Variants in SLC17A3 observed in about 807,000 individuals in gnomAD.
SLC17A3 encodes sodium-dependent phosphate transport protein 4.
In SLC17A3, 61 loss-of-function variants were observed where a neutral mutation model predicts 60.3. That is an observed-to-expected ratio of 1.01 (90% confidence interval 0.82 to 1.25). SLC17A3 has a LOEUF of 1.25. SLC17A3 is among the 50% of genes most tolerant of loss of function. The pLI is 0.00. For synonymous variants in SLC17A3, 192 were observed against 208.9 expected (o/e 0.92, Z 0.70); for missense variants, 624 against 594.9 (o/e 1.05, Z -0.51).
chr6:25,847,073 C>T (rs1218989217), intron 11 of SLC17A3, among the ~76,000 whole-genome samples: 6 of 151,976 alleles, frequency 3.9e-5, no homozygotes, highest in Non-Finnish European at 7.4e-5. Flanking sequence ...TTTCCCTCCT[C>T]CCACCCTTCA....
intron 5 of SLC17A3, among the ~76,000 whole-genome samples, chr6:25,859,811 G>A (rs965722501): frequency 6.6e-6 from 1 of 152,094 alleles, no homozygotes; most frequent in East Asian, 1.9e-4. Flanking sequence ...CAGGTCATGC[G>A]ATCCTTCTAC....
intron 11 of SLC17A3, among the ~76,000 whole-genome samples, chr6:25,847,074 CCA>C (rs996767673): frequency 6.6e-6 from 1 of 152,018 alleles, no homozygotes. Context: ...TTCCCTCCTC[CCA>C]CCCTTCACTC....
intron 5 of SLC17A3, among the ~76,000 whole-genome samples, 155 bp from the exon 6 acceptor site, chr6:25,855,385 A>G (rs1000295741): frequency 6.6e-5 from 10 of 152,242 alleles, no homozygotes; most frequent in Non-Finnish European, 2.9e-5. Context: ...ATTTAAGAAC[A>G]TATAATTTCA....
At chr6:25,871,164 A>G (rs1047369435) in intron 1 of SLC17A3, among the ~76,000 whole-genome samples, 1 of 152,144 alleles carries the variant, frequency 6.6e-6, no homozygotes, top group African/African-American at 2.4e-5. Context: ...ATTATAAAAC[A>G]TGCTGCTATA....
chr6:25,868,475 T>C (rs1056834545), intron 1 of SLC17A3, 55 bp from the exon 2 acceptor site: 2 of 1,158,990 alleles, frequency 1.7e-6, no homozygotes, highest in South Asian at 2.6e-5. Flanking sequence ...AGACTCCCCG[T>C]TGAAATATTT....
At chr6:25,869,734 G>T (rs910595100) in intron 1 of SLC17A3, among the ~76,000 whole-genome samples, 1 of 151,882 alleles carries the variant, frequency 6.6e-6, no homozygotes, top group African/African-American at 2.4e-5. Flanking sequence ...AACAGTATGG[G>T]GGAAACTGCC....
At chr6:25,866,018 C>T (rs560374988) in intron 2 of SLC17A3, among the ~76,000 whole-genome samples, 4 of 152,090 alleles carry the variant, frequency 2.6e-5, no homozygotes, top group Admixed American at 6.6e-5. Context: ...ATGTGACAGA[C>T]AGACCTTAAG....
intron 5 of SLC17A3, among the ~76,000 whole-genome samples, chr6:25,859,810 C>T (rs181657855): frequency 1.3e-5 from 2 of 152,154 alleles, no homozygotes; most frequent in Non-Finnish European, 2.9e-5. Context: ...TCAGGTCATG[C>T]GATCCTTCTA....
chr6:25,868,474 G>T (rs116707838), intron 1 of SLC17A3, 54 bp from the exon 2 acceptor site: 2 of 1,168,404 alleles, frequency 1.7e-6, no homozygotes, highest in Non-Finnish European at 1.3e-6. Flanking sequence ...GAGACTCCCC[G>T]TTGAAATATT....
At chr6:25,851,232 C>T (rs1346259277) in intron 6 of SLC17A3, among the ~76,000 whole-genome samples, 1 of 141,912 alleles carries the variant, frequency 7.0e-6, no homozygotes, top group Non-Finnish European at 1.5e-5. Flanking sequence ...GATGAAGTGT[C>T]TTTGCCCAAT....
chr6:25,847,684 C>T (rs1472508050), intron 11 of SLC17A3, among the ~76,000 whole-genome samples: 1 of 150,638 alleles, frequency 6.6e-6, no homozygotes, highest in Non-Finnish European at 1.5e-5. Context: ...TTTTTCATAC[C>T]TTTGTTGGCT....
chr6:25,849,485 C>T lies in SLC17A3; in HGVS notation c.1272-21G>A, dbSNP rs765379971. On this transcript the variant is annotated intron_variant, in intron 10 of 12. Coordinates refer to ENST00000397060, the MANE Select transcript of SLC17A3 (RefSeq NM_001098486.2). Reference sequence around the variant, plus strand: ...AATACCTGTGGGTGACAGGAATGTTCCGGTCTAGATCCAGAGATGTTTGAC... The same window carrying T: ...AATACCTGTGGGTGACAGGAATGTTTCGGTCTAGATCCAGAGATGTTTGAC... 2.0e-5 allele frequency: 29 copies of T among 1,484,614 alleles called. 2 individuals are homozygous for T. Among genetic ancestry groups the T allele is most frequent in the African/African-American group, 1.5e-4 (11 of 72,196 alleles). 92.0% of individuals were successfully genotyped at this position (1,484,614 alleles called of 1,614,324 possible).
chr6:25,859,238 AAAT>A (rs1428279376), intron 5 of SLC17A3, among the ~76,000 whole-genome samples: 1 of 152,200 alleles, frequency 6.6e-6, no homozygotes, highest in East Asian at 1.9e-4. Flanking sequence ...ACCAAGAGAC[AAAT>A]AATATTAGTC....
chr6:25,847,136 T>A (rs1765187800), intron 11 of SLC17A3, among the ~76,000 whole-genome samples: 1 of 152,118 alleles, frequency 6.6e-6, no homozygotes, highest in African/African-American at 2.4e-5. Context: ...CCATGAATGC[T>A]CATCCTTTGT....
intron 1 of SLC17A3, among the ~76,000 whole-genome samples, chr6:25,873,181 T>C (rs1765672717): frequency 6.6e-6 from 1 of 152,050 alleles, no homozygotes; most frequent in Non-Finnish European, 1.5e-5. Context: ...ACATAGAAAA[T>C]GCACTCTCAT....
chr6:25,852,048 G>A (rs981482615), intron 6 of SLC17A3, among the ~76,000 whole-genome samples: 1 of 151,470 alleles, frequency 6.6e-6, no homozygotes, highest in African/African-American at 2.4e-5. Context: ...TCTCTATTTT[G>A]CATTTGTTTT....
At chr6:25,865,145 C>A (rs1285743721) in intron 2 of SLC17A3, among the ~76,000 whole-genome samples, 1 of 151,980 alleles carries the variant, frequency 6.6e-6, no homozygotes, top group Non-Finnish European at 1.5e-5. Flanking sequence ...GACCAGCTCA[C>A]AATGTAGCTC....
intron 8 of SLC17A3, 74 bp from the exon 9 acceptor site, chr6:25,850,251 T>C: frequency 1.4e-6 from 2 of 1,476,878 alleles, no homozygotes; most frequent in Middle Eastern, 1.7e-4. Context: ...AAATTACTAC[T>C]AATAATAATG....
chr6:25,845,608 G>T, intron 11 of SLC17A3, 92 bp from the exon 12 acceptor site: 1 of 1,433,550 alleles, frequency 7.0e-7, no homozygotes, highest in South Asian at 1.2e-5. Flanking sequence ...ATTCACTGGT[G>T]GGTTTCCTTG....
Sources: gnomAD v4.1 joint callset for allele counts (sites outside exome capture counted in the v4.1 genomes callset) on GRCh38, gnomAD v4.1.1 for gene constraint, MANE v1.5 for transcripts, NCBI Gene and HGNC (gene_info 2026-07-23, HGNC 2026-07-21) for gene names.